Variants in COL5A1 observed in about 807,000 individuals in gnomAD.
The protein encoded by COL5A1 is collagen alpha-1(V) chain.
COL5A1 carries 16 observed loss-of-function variants against 263.7 expected under a neutral mutation model. The ratio of observed to expected loss-of-function variants is 0.06; its 90% confidence interval spans 0.04 to 0.09. The LOEUF is 0.09. Ranked by LOEUF, COL5A1 falls within the 10% of genes least tolerant of loss-of-function variation. COL5A1 has a pLI of 1.00. For synonymous variants in COL5A1, 1,012 were observed against 1,004.5 expected, an observed-to-expected ratio of 1.01 and a Z score of -0.14; for missense variants, 2,036 against 2,540.5, an observed-to-expected ratio of 0.80 and a Z score of 4.27.
chr9:134,753,759 T>TCCCCCAGCCCCCCCCCCA, intron 14 of COL5A1, 91 bp from the exon 15 acceptor site: 1 of 540,648 alleles, frequency 1.8e-6, no homozygotes. Context: ...CCCTGTCCCC[T>TCCCCCAGCCCCCCCCCCA]CCCCCTGCCC....
intron 1 of COL5A1, among the ~76,000 whole-genome samples, chr9:134,649,106 G>C (rs556976406): frequency 6.6e-6 from 1 of 152,026 alleles, no homozygotes; most frequent in Non-Finnish European, 1.5e-5. Context: ...GTGTGGGGGG[G>C]GCTTTGCCAT....
intron 9 of COL5A1, 34 bp downstream of exon 9, chr9:134,732,161 G>A (rs781701002): frequency 1.9e-6 from 3 of 1,612,364 alleles, no homozygotes; most frequent in Non-Finnish European, 2.5e-6. Flanking sequence ...CCCTGCGCCG[G>A]GGTGTCCGCT....
Position 134,754,182 on chromosome 9 carries a change from G to C in COL5A1, c.1774-91G>C. ...TTTGTGGCTTGGACAGCCAGGCATGGGCAGGGTCGATGAGCACAGGGACAA... is the reference window on the plus strand; with the variant it reads ...TTTGTGGCTTGGACAGCCAGGCATGCGCAGGGTCGATGAGCACAGGGACAA... On this transcript the variant is annotated intron_variant, in intron 15 of 65. Transcript: ENST00000371817. This position sits in a 1 kb window ranked among gnomAD's most constrained non-coding sequence, Gnocchi z 4.3. 7.2e-7 allele frequency: 1 copy of C among 1,390,494 alleles called. No homozygotes were observed. 86.1% of individuals were successfully genotyped at this position (1,390,494 alleles called of 1,614,324 possible).
intron 4 of COL5A1, among the ~76,000 whole-genome samples, chr9:134,724,396 C>A (rs541344094): frequency 2.6e-5 from 4 of 152,216 alleles, no homozygotes; most frequent in Non-Finnish European, 5.9e-5. Flanking sequence ...AGCCAGGCAA[C>A]GGCTGGAGCT....
chr9:134,730,173 C>T lies in COL5A1; in HGVS notation c.925-63C>T, dbSNP rs77043106. 2.4e-3 allele frequency: 3,799 copies of T among 1,602,942 alleles called. 70 individuals are homozygous for T. The African/African-American group carries it at 0.044, about 19-fold the overall frequency. On this transcript the variant is annotated intron_variant, in intron 6 of 65. Coordinates refer to ENST00000371817, the MANE Select transcript of COL5A1 (RefSeq NM_000093.5). Reference sequence around the variant, plus strand: ...CCTGCACCCGGACATGCGGCAAGTCCCAGACCTGGCACCACTGCCGGCCTC... The same window carrying T: ...CCTGCACCCGGACATGCGGCAAGTCTCAGACCTGGCACCACTGCCGGCCTC...
intron 65 of COL5A1, among the ~76,000 whole-genome samples, chr9:134,837,332 G>T (rs2132932077): frequency 6.6e-6 from 1 of 152,268 alleles, no homozygotes; most frequent in African/African-American, 2.4e-5. Flanking sequence ...GCTTTCCAGA[G>T]AGGGGAATGT....
At position 134,844,472 on chromosome 9, in the gene COL5A1, C is replaced by CA. The variant is rs1830192028; in HGVS notation, c.*2173dup. ...AGTTGTTATAATTTGTACTGAACTT[C>CA]AAAATGTGTCCCGTTCTCCCCAGAC... is the stretch of plus-strand genomic sequence containing the variant. On this transcript the variant is annotated 3_prime_UTR_variant, in exon 66 of 66. Transcript: ENST00000371817. The CA allele has an allele frequency of 6.6e-6, 1 of 152,510 alleles. No homozygotes were observed. Among genetic ancestry groups the CA allele is most frequent in the Non-Finnish European group, 1.5e-5 (1 of 68,048 alleles). The allele number at this position is 152,510 out of a possible 1,614,324, so 9.4% of individuals were successfully genotyped here. A position where few individuals can be genotyped will look rare whatever the true frequency, so the allele number is the denominator to read the frequency against.
rs10669920 is a variant in COL5A1 at position 134,812,774 on chromosome 9, CTGTGTG to C, written c.3852+70_3852+75del. 3.6e-5 allele frequency: 32 copies of C among 892,136 alleles called. No homozygotes were observed. In the Middle Eastern group the frequency reaches 1.0e-3, roughly 28 times the overall value. 55.3% of individuals were successfully genotyped at this position (892,136 alleles called of 1,614,324 possible). The stretch of plus-strand genomic sequence containing the variant: ...TTGTTTGAGGAGTGTGTGTGTGTGT[CTGTGTG>C]TGTGTGTCTGTGTGTATGTGTATGT... On this transcript the variant is annotated intron_variant, in intron 48 of 65. Transcript: ENST00000371817.
chr9:134,822,185 AG>A, intron 59 of COL5A1, 35 bp downstream of exon 59: 1 of 869,536 alleles, frequency 1.2e-6, no homozygotes, highest in Non-Finnish European at 1.9e-6. Context: ...CATTCCTGGG[AG>A]GGCAGGGAGG....
intron 1 of COL5A1, among the ~76,000 whole-genome samples, chr9:134,663,442 C>A (rs951437828): frequency 6.6e-6 from 1 of 152,222 alleles, no homozygotes; most frequent in Admixed American, 6.5e-5. Flanking sequence ...AAGGAGGCCG[C>A]CCTGGCCAAC....
In COL5A1 at chr9:134,647,301, T is replaced by A. The variant is rs186499287; in HGVS notation, c.109+5005T>A. Among the ~76,000 whole-genome samples, 164 of 152,274 alleles carry A rather than the reference T, an allele frequency of 1.1e-3. No individual in the cohort carries two copies. Among genetic ancestry groups the A allele is most frequent in the African/African-American group, 3.6e-3 (151 of 41,560 alleles). ...TCATTGTCCAGGCCGTGGGGTGTGA[T>A]GCATGTGAAAAGCTTTAGAAGCCAA... On this transcript the variant is annotated intron_variant, in intron 1 of 65. Transcript: ENST00000371817. This position sits in a 1 kb window ranked among gnomAD's most constrained non-coding sequence, Gnocchi z 5.0.
At position 134,811,589 on chromosome 9, in the gene COL5A1, T is replaced by A; in HGVS notation, c.3680T>A (p.Val1227Glu). 6.4e-7 allele frequency: 1 copy of A among 1,556,654 alleles called. No homozygotes were observed. ...GGCTTTCCTGGACCCCCTGGGCCAGTGGGGCTGCAGGTAACTGTGGGGTTC... is the reference window on the plus strand; with the variant it reads ...GGCTTTCCTGGACCCCCTGGGCCAGAGGGGCTGCAGGTAACTGTGGGGTTC... ...PRGFPGPPGP[V>E]GLQGLPGPPG... The change falls in exon 46 of 66, where the codon GTG (valine) becomes GAG (glutamate). Residue 1227 changes from valine to glutamate, a missense_variant. Coordinates refer to ENST00000371817, the MANE Select transcript of COL5A1 (RefSeq NM_000093.5).
chr9:134,696,041 G>T lies in COL5A1; in HGVS notation c.278-3868G>T, dbSNP rs1833449154. Among the ~76,000 whole-genome samples, 1 of 152,142 alleles carries T rather than the reference G, an allele frequency of 6.6e-6. No homozygotes were observed. The highest frequency in any genetic ancestry group is 1.5e-5 in the Non-Finnish European group (1 of 68,000). ...GCCCGGCCCCTCCTGGGCTGCCAGG[G>T]TCCAGCTGAAACCTCAGCCGCCCCC... On this transcript the variant is annotated intron_variant, in intron 2 of 65. Coordinates refer to ENST00000371817, the MANE Select transcript of COL5A1 (RefSeq NM_000093.5). The surrounding 1 kb of genome is among the most constrained non-coding windows in gnomAD (Gnocchi z 4.3).
At chr9:134,685,206 A>C (rs369860680) in intron 1 of COL5A1, among the ~76,000 whole-genome samples, 1 of 140,178 alleles carries the variant, frequency 7.1e-6, no homozygotes, top group African/African-American at 2.7e-5. Flanking sequence ...CCATCCATCC[A>C]TCCATCCACC....
intron 18 of COL5A1, among the ~76,000 whole-genome samples, chr9:134,760,183 ACACC>A (rs200321910): frequency 0.046 from 4,769 of 103,124 alleles, 4 homozygotes; most frequent in East Asian, 0.13. Context: ...ACACACACAT[ACACC>A]CCCACACCCC....
At chr9:134,665,613 G>T (rs1204451439) in intron 1 of COL5A1, among the ~76,000 whole-genome samples, 1 of 152,170 alleles carries the variant, frequency 6.6e-6, no homozygotes, top group Non-Finnish European at 1.5e-5. Flanking sequence ...CTTTTGAAAG[G>T]GGTTGAATGC....
intron 11 of COL5A1, among the ~76,000 whole-genome samples, chr9:134,747,663 G>A (rs1038066465): frequency 1.4e-5 from 2 of 140,190 alleles, no homozygotes; most frequent in Non-Finnish European, 3.1e-5. Flanking sequence ...GCAGACACAT[G>A]CACACATGTA....
intron 4 of COL5A1, among the ~76,000 whole-genome samples, chr9:134,721,304 A>C (rs559974114): frequency 1.0e-4 from 14 of 138,088 alleles, no homozygotes; most frequent in Admixed American, 7.5e-4. Flanking sequence ...GCTCCCCCAT[A>C]GTACCCCATC....
At chr9:134,670,660 T>C (rs1832512412) in intron 1 of COL5A1, among the ~76,000 whole-genome samples, 1 of 152,222 alleles carries the variant, frequency 6.6e-6, no homozygotes, top group Admixed American at 6.5e-5. Context: ...GAAGCTGAAT[T>C]ACTCTTAAGA....
Sources: gnomAD v4.1 joint callset for allele counts (sites outside exome capture counted in the v4.1 genomes callset) on GRCh38, gnomAD v4.1.1 for gene constraint, Gnocchi (gnomAD v3.1) non-coding constraint, MANE v1.5 for transcripts, NCBI Gene and HGNC (gene_info 2026-07-23, HGNC 2026-07-21) for gene names.